PLAC1: variants seen among roughly 807,000 people sequenced by gnomAD.
The protein encoded by PLAC1 is placenta-specific protein 1.
For synonymous variants in PLAC1, 68 were observed against 62.1 expected, an observed-to-expected ratio of 1.09 and a Z score of -0.44; for missense variants, 136 against 163.2, an observed-to-expected ratio of 0.83 and a Z score of 0.91.
intron 1 of PLAC1, among the ~76,000 whole-genome samples, chrX:134,621,097 G>A (rs905128394): frequency 9.0e-6 from 1 of 110,829 alleles, no homozygotes; most frequent in African/African-American, 3.3e-5. Context: ...ACTCCACATT[G>A]CCTGTTCCAG....
chrX:134,578,137 G>C (rs1291384213), intron 2 of PLAC1, among the ~76,000 whole-genome samples: 1 of 111,087 alleles, frequency 9.0e-6, no homozygotes, highest in Non-Finnish European at 1.9e-5. Context: ...AAACCAGCTG[G>C]GCGCAGTGGC....
chrX:134,580,259 T>G (rs1237686840), intron 2 of PLAC1, among the ~76,000 whole-genome samples: 1 of 112,030 alleles, frequency 8.9e-6, no homozygotes, highest in African/African-American at 3.2e-5. Flanking sequence ...ACGTAGCGAC[T>G]GAGATTCCCG....
chrX:134,585,239 G>A (rs942696969), intron 2 of PLAC1, among the ~76,000 whole-genome samples: 10 of 106,490 alleles, frequency 9.4e-5, no homozygotes, highest in South Asian at 4.3e-4. Flanking sequence ...CCAGCTACTC[G>A]GGAGGCTGAG....
intron 2 of PLAC1, among the ~76,000 whole-genome samples, chrX:134,574,587 A>G (rs926068558): frequency 8.9e-6 from 1 of 111,948 alleles, no homozygotes. Flanking sequence ...ATCCAACGGT[A>G]CCCAATGTCC....
rs141931790 is a variant in PLAC1 at position 134,568,616 on chromosome X, A to G, written c.-58-1876T>C. On this transcript the variant is annotated intron_variant, in intron 2 of 2. Coordinates refer to ENST00000359237, the MANE Select transcript of PLAC1 (RefSeq NM_021796.4). ...CCTTCTGAAATGTCTCTTCTGGGAC[A>G]ACTTTTTTGGGTTTTTTTCACAAAG... Among the ~76,000 whole-genome samples, 211 of 111,622 alleles carry G rather than the reference A, an allele frequency of 1.9e-3. 1 individual carries two copies. Among genetic ancestry groups the G allele is most frequent in the Middle Eastern group, 0.014 (3 of 216 alleles).
chrX:134,625,802 T>C (rs920246823), intron 1 of PLAC1, among the ~76,000 whole-genome samples: 4 of 110,690 alleles, frequency 3.6e-5, no homozygotes, highest in Non-Finnish European at 5.7e-5. Context: ...CACAGGCAAG[T>C]GTCCCCTGCA....
intron 2 of PLAC1, among the ~76,000 whole-genome samples, chrX:134,589,322 T>C (rs934932181): frequency 8.1e-5 from 9 of 111,532 alleles, no homozygotes; most frequent in African/African-American, 2.6e-4. Context: ...TGGGCTCTAC[T>C]GGATGATTTC....
At chrX:134,580,950 A>G (rs2077971054) in intron 2 of PLAC1, among the ~76,000 whole-genome samples, 1 of 111,952 alleles carries the variant, frequency 8.9e-6, no homozygotes, top group Non-Finnish European at 1.9e-5. Context: ...AACTAAGAAG[A>G]ATGGCCTGTA....
intron 2 of PLAC1, among the ~76,000 whole-genome samples, chrX:134,706,625 T>C (rs780359836): frequency 2.7e-5 from 3 of 112,149 alleles, no homozygotes; most frequent in Non-Finnish European, 5.6e-5. Flanking sequence ...TACAATTACC[T>C]GTCAACGATT....
At chrX:134,605,328 A>G (rs2078117247) in intron 1 of PLAC1, among the ~76,000 whole-genome samples, 1 of 111,852 alleles carries the variant, frequency 8.9e-6, no homozygotes, top group Non-Finnish European at 1.9e-5. Flanking sequence ...ATACCCAGTC[A>G]CTGCCCACTT....
At chrX:134,676,993 T>TA (rs1247043288) in intron 2 of PLAC1, among the ~76,000 whole-genome samples, 1 of 112,668 alleles carries the variant, frequency 8.9e-6, no homozygotes, top group Non-Finnish European at 1.9e-5. Flanking sequence ...TTAATATATG[T>TA]AAAATACTTA....
chrX:134,593,534 A>G (rs1244998438), intron 2 of PLAC1, among the ~76,000 whole-genome samples: 2 of 112,404 alleles, frequency 1.8e-5, no homozygotes, highest in Admixed American at 1.9e-4. Flanking sequence ...AAAGCATTTA[A>G]AGTACATGGT....
chrX:134,639,233 G>T (rs112935924), intron 1 of PLAC1, among the ~76,000 whole-genome samples: 1,444 of 111,589 alleles, frequency 0.013, 23 homozygotes, highest in African/African-American at 0.045. Context: ...AGCTGACATA[G>T]GTCTACATGA....
upstream of PLAC1, among the ~76,000 whole-genome samples, chrX:134,662,974 A>G (rs1188685839): frequency 3.6e-5 from 4 of 112,151 alleles, no homozygotes; most frequent in African/African-American, 1.3e-4. Flanking sequence ...CTGGCTCTTT[A>G]ACAAAATATG....
intron 1 of PLAC1, among the ~76,000 whole-genome samples, chrX:134,754,073 T>C (rs2078750932): frequency 8.9e-6 from 1 of 112,336 alleles, no homozygotes; most frequent in South Asian, 3.7e-4. Flanking sequence ...GTAATTATGG[T>C]GATTTTTATT....
chrX:134,597,630 T>C (rs2078068222), intron 2 of PLAC1, among the ~76,000 whole-genome samples: 1 of 111,995 alleles, frequency 8.9e-6, no homozygotes, highest in African/African-American at 3.2e-5. Flanking sequence ...TTTTCTGACA[T>C]TGCTCTAGTA....
At chrX:134,655,199 T>C (rs1475528573) in intron 1 of PLAC1, among the ~76,000 whole-genome samples, 1 of 111,197 alleles carries the variant, frequency 9.0e-6, no homozygotes, top group Non-Finnish European at 1.9e-5. Flanking sequence ...TCCTGAATTT[T>C]ATTTTGAAAA....
chrX:134,761,854 T>C, intron 1 of PLAC1, among the ~76,000 whole-genome samples: 1 of 112,241 alleles, frequency 8.9e-6, no homozygotes, highest in Non-Finnish European at 1.9e-5. Flanking sequence ...TTGTGTATAC[T>C]AAAAAATTAT....
At chrX:134,700,986 C>G (rs1374519144) in intron 2 of PLAC1, among the ~76,000 whole-genome samples, 1 of 111,614 alleles carries the variant, frequency 9.0e-6, no homozygotes, top group Non-Finnish European at 1.9e-5. Context: ...CAAAGCAATC[C>G]TACACAAAAA....
Sources: allele counts gnomAD v4.1 joint callset (sites outside exome capture counted in the v4.1 genomes callset), GRCh38; gene constraint gnomAD v4.1.1; transcripts MANE v1.5; gene names NCBI Gene and HGNC (gene_info 2026-07-23, HGNC 2026-07-21).